Variants in CUBN observed in about 807,000 individuals in gnomAD.
CUBN encodes cubilin.
Under a neutral mutation model 405.3 loss-of-function variants are expected in CUBN, and 282 were observed. The ratio of observed to expected loss-of-function variants is 0.70; its 90% CI spans 0.63 to 0.77. CUBN has a LOEUF of 0.77. Among genes scored for constraint, CUBN ranks in the 30% least tolerant of loss-of-function variants. The pLI is 0.00. For synonymous variants in CUBN, 1,684 were observed against 1,617.0 expected, an observed-to-expected ratio of 1.04 and a Z score of -0.99; for missense variants, 4,514 against 4,475.2, an observed-to-expected ratio of 1.01 and a Z score of -0.25.
chr10:16,871,787 T>C (rs940595789), intron 58 of CUBN, among the ~76,000 whole-genome samples: 11 of 152,194 alleles, frequency 7.2e-5, no homozygotes, highest in African/African-American at 2.7e-4. Context: ...ACAGAAGAGA[T>C]CTGAAAAGCC....
intron 54 of CUBN, among the ~76,000 whole-genome samples, chr10:16,893,854 T>C (rs559293604): frequency 6.6e-6 from 1 of 152,322 alleles, no homozygotes; most frequent in East Asian, 1.9e-4. Flanking sequence ...GTAAACATAG[T>C]TTTCATTTCT....
chr10:16,915,355 A>G (rs1841854007), intron 46 of CUBN, among the ~76,000 whole-genome samples, 183 bp from the exon 47 acceptor site: 2 of 152,246 alleles, frequency 1.3e-5, no homozygotes, highest in Non-Finnish European at 2.9e-5. Flanking sequence ...AAATACATGA[A>G]GAAGTGAAAA....
At chr10:16,877,352 T>C (rs1178660116) in intron 56 of CUBN, among the ~76,000 whole-genome samples, 1 of 152,224 alleles carries the variant, frequency 6.6e-6, no homozygotes, top group Non-Finnish European at 1.5e-5. Context: ...TTCCTTTCTT[T>C]AGATAACGGT....
intron 10 of CUBN, among the ~76,000 whole-genome samples, chr10:17,108,316 G>C (rs1836684955): frequency 6.6e-6 from 1 of 152,020 alleles, no homozygotes; most frequent in South Asian, 2.1e-4. Flanking sequence ...TCTTTATCTA[G>C]AAATCATGCT....
chr10:16,932,900 C>G (rs972927069), intron 40 of CUBN, among the ~76,000 whole-genome samples, 187 bp downstream of exon 40: 1 of 152,056 alleles, frequency 6.6e-6, no homozygotes, highest in Non-Finnish European at 1.5e-5. Flanking sequence ...ATTCTGTGAC[C>G]GGTAATTTAA....
At chr10:16,968,886 C>G (rs1843474395) in intron 31 of CUBN, among the ~76,000 whole-genome samples, 1 of 152,088 alleles carries the variant, frequency 6.6e-6, no homozygotes, top group Non-Finnish European at 1.5e-5. Flanking sequence ...TGAGGAGAGC[C>G]CAAGGTTAAT....
Position 16,841,014 on chromosome 10 carries a change from C to A in CUBN, c.9697G>T (p.Ala3233Ser). Residue 3233 changes from alanine to serine, a missense_variant, in exon 61 of 67, where the codon GCT becomes TCT. By Grantham distance (99) the Ala-to-Ser change is moderately conservative (BLOSUM62 1). Transcript: ENST00000377833. ...YDGDSENANL[A>S]GTFCGSTVPA... ...ACTGTGGAACCACAAAACGTTCCAG[C>A]CAAGTTCGCATTTTCACTATCCCCA... is the stretch of plus-strand genomic sequence containing the variant. 3 of 1,614,076 alleles carry A rather than the reference C, an allele frequency of 1.9e-6. No individual in the cohort carries two copies. Among genetic ancestry groups the A allele is most frequent in the Non-Finnish European group, 1.7e-6 (2 of 1,180,000 alleles).
chr10:16,976,705 C>G (rs2942363), intron 31 of CUBN, among the ~76,000 whole-genome samples: 132,469 of 151,752 alleles, frequency 0.87, 58,728 homozygotes, highest in Non-Finnish European at 0.96. Flanking sequence ...TTCTGAGTGT[C>G]CTCTATGTGT....
chr10:16,969,306 A>G (rs1227019307), intron 31 of CUBN, among the ~76,000 whole-genome samples: 1 of 152,178 alleles, frequency 6.6e-6, no homozygotes, highest in African/African-American at 2.4e-5. Flanking sequence ...TGGCGATATA[A>G]AGACTACTGC....
chr10:17,016,044 G>A (rs1014793592), intron 28 of CUBN, among the ~76,000 whole-genome samples: 4 of 152,252 alleles, frequency 2.6e-5, no homozygotes, highest in Non-Finnish European at 5.9e-5. Flanking sequence ...CCCAGGGCTC[G>A]CTTCTGGAGC....
rs78089628 is a variant in CUBN at position 17,007,418 on chromosome 10, C to T, written c.4168+12415G>A. Reference sequence around the variant, plus strand: ...CCACAGATAAAGCCTCGTTGTAGATCCGTTTTCTTAAAGCCAATAGAAGGT... The same window carrying T: ...CCACAGATAAAGCCTCGTTGTAGATTCGTTTTCTTAAAGCCAATAGAAGGT... On this transcript the variant is annotated intron_variant, in intron 28 of 66. Transcript: ENST00000377833. 6.4e-3 allele frequency among the ~76,000 whole-genome samples: 969 copies of T among 152,260 alleles called. 9 individuals are homozygous for T. Among genetic ancestry groups the T allele is most frequent in the African/African-American group, 0.021 (870 of 41,542 alleles).
chr10:16,893,808 G>A (rs1034011673), intron 54 of CUBN, among the ~76,000 whole-genome samples: 2 of 152,090 alleles, frequency 1.3e-5, no homozygotes, highest in Non-Finnish European at 2.9e-5. Context: ...TACAAATAAA[G>A]GTGCTATTTA....
At chr10:17,091,643 G>T (rs1313684598) in intron 14 of CUBN, among the ~76,000 whole-genome samples, 1 of 152,108 alleles carries the variant, frequency 6.6e-6, no homozygotes, top group Non-Finnish European at 1.5e-5. Context: ...TGCAAAAGAG[G>T]CTTTTAATGG....
intron 64 of CUBN, among the ~76,000 whole-genome samples, chr10:16,833,125 T>C (rs1839058675): frequency 1.3e-5 from 2 of 152,286 alleles, no homozygotes; most frequent in African/African-American, 2.4e-5. Context: ...TGATCAATAA[T>C]GGTCCATTCA....
At chr10:16,883,136 A>T (rs1261001504) in intron 56 of CUBN, among the ~76,000 whole-genome samples, 1 of 152,222 alleles carries the variant, frequency 6.6e-6, no homozygotes, top group Non-Finnish European at 1.5e-5. Context: ...GCAGAGGCAC[A>T]TGAATTACCA....
At chr10:16,984,664 G>A (rs1833369309) in intron 29 of CUBN, among the ~76,000 whole-genome samples, 1 of 151,982 alleles carries the variant, frequency 6.6e-6, no homozygotes, top group Non-Finnish European at 1.5e-5. Flanking sequence ...GAATTTTAGG[G>A]GGACCTTTAA....
At chr10:16,849,526 A>G (rs1839619398) in intron 60 of CUBN, among the ~76,000 whole-genome samples, 2 of 151,968 alleles carry the variant, frequency 1.3e-5, no homozygotes, top group Admixed American at 6.6e-5. Flanking sequence ...ACCAAACCAC[A>G]CTGTTATTTT....
Position 17,114,089 on chromosome 10 carries a change from C to G in CUBN, c.821G>C (p.Cys274Ser). ...RDECSFQPGP[C>S]STLVQCFNTQ... is the part of the protein sequence containing the mutation. ...GTTGAAACACTGCACAAGTGTGGAG[C>G]AAGGCCCGGGCTGGAAGCTGCACTC... Residue 274 changes from cysteine (C) to serine (S), a missense_variant, in exon 8 of 67, where the codon TGC becomes TCC. Cys to Ser is a moderately radical substitution (Grantham distance 112). Coordinates refer to ENST00000377833, the MANE Select transcript of CUBN (RefSeq NM_001081.4). 6.2e-7 allele frequency: 1 copy of G among 1,613,204 alleles called. No individual in the cohort carries two copies. The highest frequency in any genetic ancestry group is 2.2e-5 in the East Asian group (1 of 44,824).
At chr10:17,023,302 T>C (rs1485826684) in intron 27 of CUBN, among the ~76,000 whole-genome samples, 1 of 150,688 alleles carries the variant, frequency 6.6e-6, no homozygotes, top group Non-Finnish European at 1.5e-5. Flanking sequence ...AAAATAAGCA[T>C]CAAATAGACA....
Sources: gnomAD v4.1 joint callset for allele counts (sites outside exome capture counted in the v4.1 genomes callset) on GRCh38, gnomAD v4.1.1 for gene constraint, MANE v1.5 for transcripts, NCBI Gene and HGNC (gene_info 2026-07-23, HGNC 2026-07-21) for gene names.